GRIK4: variants seen among roughly 807,000 people sequenced by gnomAD.
The protein encoded by GRIK4 is glutamate receptor ionotropic, kainate 4.
Under a neutral mutation model 104.9 loss-of-function variants are expected in GRIK4, and 40 were observed. That is an observed-to-expected ratio of 0.38 (90% CI 0.30 to 0.50). GRIK4 has a LOEUF of 0.50. Among genes scored for constraint, GRIK4 ranks in the 20% least tolerant of loss-of-function variants. GRIK4 has a pLI of 0.93. For missense variants in GRIK4, 1,047 were observed against 1,308.1 expected (o/e 0.80, Z 3.08); for synonymous variants, 485 against 524.9 (o/e 0.92, Z 1.04).
chr11:120,849,163 G>GCA (rs143931502), intron 8 of GRIK4, among the ~76,000 whole-genome samples: 1,997 of 150,030 alleles, frequency 0.013, 33 homozygotes, highest in African/African-American at 0.037. Flanking sequence ...CCCAACGCGC[G>GCA]CACACACACA....
In GRIK4 at chr11:120,873,776, G is replaced by A. The variant is rs573680333; in HGVS notation, c.907-290G>A. On this transcript the variant is annotated intron_variant, in intron 9 of 20. Transcript: ENST00000527524. The stretch of plus-strand genomic sequence containing the variant: ...CAGTTGCTTGTTTCCCTGGAGCAGA[G>A]AGAAAAGGGTACACTTGAAGTCATG... 24 of 266,972 alleles carry A rather than the reference G, an allele frequency of 9.0e-5. No individual in the cohort carries two copies. The Admixed American group carries it at 1.2e-3, about 13-fold the overall frequency. 16.5% of individuals were successfully genotyped at this position (266,972 alleles called of 1,614,324 possible).
At chr11:120,678,816 A>G (rs540454972) in intron 3 of GRIK4, among the ~76,000 whole-genome samples, 3 of 151,856 alleles carry the variant, frequency 2.0e-5, no homozygotes, top group African/African-American at 7.2e-5. Flanking sequence ...TGTATTTTTA[A>G]TAGAGACAGG....
intron 14 of GRIK4, among the ~76,000 whole-genome samples, chr11:120,943,461 G>A (rs1010710390): frequency 6.6e-6 from 1 of 152,156 alleles, no homozygotes; most frequent in African/African-American, 2.4e-5. Flanking sequence ...ACGTTGTTAT[G>A]TCTGAAACAG....
chr11:120,747,314 A>C (rs1372802072), intron 3 of GRIK4, among the ~76,000 whole-genome samples: 2 of 152,192 alleles, frequency 1.3e-5, no homozygotes, highest in African/African-American at 4.8e-5. Context: ...GATTAACTGC[A>C]CGTCCCAACA....
At chr11:120,964,891 T>C (rs1944357007) in intron 18 of GRIK4, among the ~76,000 whole-genome samples, 1 of 152,210 alleles carries the variant, frequency 6.6e-6, no homozygotes, top group Non-Finnish European at 1.5e-5. Context: ...CCTAGGATGC[T>C]TGTCTCCAGT....
chr11:120,733,583 C>CAAACT (rs58479600), intron 3 of GRIK4, among the ~76,000 whole-genome samples: 1 of 151,548 alleles, frequency 6.6e-6, no homozygotes, highest in Admixed American at 6.6e-5. Context: ...AATGCACAAA[C>CAAACT]TAACAAGCAA....
intron 1 of GRIK4, among the ~76,000 whole-genome samples, chr11:120,512,799 T>C (rs906352116): frequency 2.0e-5 from 3 of 152,070 alleles, no homozygotes; most frequent in African/African-American, 7.2e-5. Flanking sequence ...TTTCCCTGGC[T>C]CCCTTGAGCT....
chr11:120,657,518 T>G (rs532216798), intron 2 of GRIK4, among the ~76,000 whole-genome samples: 1 of 152,238 alleles, frequency 6.6e-6, no homozygotes. Flanking sequence ...GCACCTATTA[T>G]GTATAAATAG....
chr11:120,774,607 A>G (rs1434831517), intron 3 of GRIK4, among the ~76,000 whole-genome samples: 2 of 152,226 alleles, frequency 1.3e-5, no homozygotes, highest in African/African-American at 4.8e-5. Flanking sequence ...CCCAAAGTCT[A>G]CTGATTTAAA....
At position 120,772,351 on chromosome 11, in the gene GRIK4, G is replaced by C. The variant is rs559593013; in HGVS notation, c.83-30342G>C. Among the ~76,000 whole-genome samples, 4 of 152,316 alleles carry C rather than the reference G, an allele frequency of 2.6e-5. No homozygotes were observed. In the South Asian group the frequency reaches 8.3e-4, roughly 32 times the overall value. On this transcript the variant is annotated intron_variant, in intron 3 of 20. Coordinates refer to ENST00000527524, the MANE Select transcript of GRIK4 (RefSeq NM_014619.5). ...ACAGCCAGTATATTAGATGTCTAGT[G>C]AGGGCCTGTTTCATGCATGGCATTT...
chr11:120,875,928 A>C (rs1954776098), intron 11 of GRIK4, among the ~76,000 whole-genome samples: 1 of 152,000 alleles, frequency 6.6e-6, no homozygotes, highest in Non-Finnish European at 1.5e-5. Flanking sequence ...CCTAATATTC[A>C]ACTCCCTATT....
At chr11:120,628,870 C>T (rs577498765) in intron 1 of GRIK4, among the ~76,000 whole-genome samples, 1 of 152,304 alleles carries the variant, frequency 6.6e-6, no homozygotes, top group Non-Finnish European at 1.5e-5. Flanking sequence ...TCCTTCTTCC[C>T]TCCCTCCCTT....
At chr11:120,800,023 T>A (rs1322168743) in intron 3 of GRIK4, among the ~76,000 whole-genome samples, 1 of 151,862 alleles carries the variant, frequency 6.6e-6, no homozygotes, top group Non-Finnish European at 1.5e-5. Context: ...TTTTTTTTTT[T>A]TTGTATTTTT....
chr11:120,908,185 G>A (rs1405074032), intron 13 of GRIK4, among the ~76,000 whole-genome samples: 1 of 152,160 alleles, frequency 6.6e-6, no homozygotes, highest in Non-Finnish European at 1.5e-5. Flanking sequence ...TAGGTAACCT[G>A]ATAAAGATCA....
intron 9 of GRIK4, chr11:120,872,668 G>A (rs11603439): frequency 0.034 from 5,190 of 154,604 alleles, 272 homozygotes; most frequent in African/African-American, 0.12. Flanking sequence ...ACTCCTCCCA[G>A]GAGGCCTCCA....
chr11:120,673,018 A>G (rs1950045449), intron 3 of GRIK4, among the ~76,000 whole-genome samples: 1 of 152,172 alleles, frequency 6.6e-6, no homozygotes, highest in South Asian at 2.1e-4. Flanking sequence ...TTCAAAGGGT[A>G]TGCTCCCAGC....
intron 14 of GRIK4, among the ~76,000 whole-genome samples, chr11:120,951,784 T>C (rs1487420690): frequency 1.3e-5 from 2 of 152,226 alleles, no homozygotes; most frequent in Middle Eastern, 3.2e-3. Context: ...GTTGGGAAGT[T>C]GGACTCAGTG....
intron 1 of GRIK4, among the ~76,000 whole-genome samples, chr11:120,542,711 T>C (rs1948049483): frequency 6.6e-6 from 1 of 152,222 alleles, no homozygotes; most frequent in Non-Finnish European, 1.5e-5. Flanking sequence ...TCAACATTGC[T>C]AATCACCAGG....
At chr11:120,890,204 A>C (rs1236036359) in intron 11 of GRIK4, among the ~76,000 whole-genome samples, 2 of 152,214 alleles carry the variant, frequency 1.3e-5, no homozygotes, top group East Asian at 3.8e-4. Flanking sequence ...GCTTATCAAC[A>C]ACAACAACGC....
Sources: gnomAD v4.1 joint callset for allele counts (sites outside exome capture counted in the v4.1 genomes callset) on GRCh38, gnomAD v4.1.1 for gene constraint, MANE v1.5 for transcripts, NCBI Gene and HGNC (gene_info 2026-07-23, HGNC 2026-07-21) for gene names.